AGBL1: variants seen among roughly 807,000 people sequenced by gnomAD.
AGBL1 encodes cytosolic carboxypeptidase 4.
A neutral mutation model predicts 118.9 loss-of-function variants in AGBL1; 130 were observed. The ratio of observed to expected loss-of-function variants is 1.09; its 90% CI spans 0.95 to 1.26. AGBL1 has a LOEUF of 1.26. Ranked by LOEUF, AGBL1 falls within the 50% of genes most tolerant of loss-of-function variation. The pLI is 0.00. For missense variants in AGBL1, 1,584 were observed against 1,298.1 expected (o/e 1.22, Z -3.38); for synonymous variants, 555 against 478.9 (o/e 1.16, Z -2.08).
At chr15:86,559,376 T>C (rs2083781148) in intron 21 of AGBL1, among the ~76,000 whole-genome samples, 1 of 152,190 alleles carries the variant, frequency 6.6e-6, no homozygotes, top group South Asian at 2.1e-4. Context: ...TTTTTATTTC[T>C]GTCTCCATAT....
intron 22 of AGBL1, among the ~76,000 whole-genome samples, chr15:86,808,379 A>C (rs1052630359): frequency 6.6e-6 from 1 of 152,182 alleles, no homozygotes; most frequent in Admixed American, 6.5e-5. Flanking sequence ...CTAGCATGTC[A>C]TTGAGTTGAC....
chr15:86,588,208 G>C (rs2084281250), intron 21 of AGBL1, among the ~76,000 whole-genome samples: 1 of 152,108 alleles, frequency 6.6e-6, no homozygotes, highest in Non-Finnish European at 1.5e-5. Flanking sequence ...TTTGAAATCA[G>C]GATGAGCCTG....
intron 18 of AGBL1, among the ~76,000 whole-genome samples, chr15:86,501,666 G>C (rs554014623): frequency 5.9e-5 from 9 of 151,586 alleles, no homozygotes; most frequent in African/African-American, 2.2e-4. Context: ...TTTATGTATG[G>C]ATATTCTGTT....
intron 5 of AGBL1, among the ~76,000 whole-genome samples, chr15:86,210,230 C>G (rs1028462844): frequency 5.3e-5 from 8 of 152,174 alleles, no homozygotes; most frequent in African/African-American, 1.9e-4. Flanking sequence ...TGACCTTTCT[C>G]TCTGGCTGCC....
At chr15:86,693,479 T>C (rs555178008) in intron 22 of AGBL1, among the ~76,000 whole-genome samples, 1 of 152,262 alleles carries the variant, frequency 6.6e-6, no homozygotes, top group African/African-American at 2.4e-5. Flanking sequence ...ATTTTTTGAG[T>C]TCCTTGTAGA....
At chr15:87,004,325 G>A (rs2081474139) in intron 24 of AGBL1, among the ~76,000 whole-genome samples, 1 of 152,148 alleles carries the variant, frequency 6.6e-6, no homozygotes, top group African/African-American at 2.4e-5. Context: ...GAGAGTTTAA[G>A]TCTCTTTCTC....
At chr15:86,578,807 G>A (rs1309373165) in intron 21 of AGBL1, among the ~76,000 whole-genome samples, 2 of 152,124 alleles carry the variant, frequency 1.3e-5, no homozygotes, top group African/African-American at 4.8e-5. Context: ...CTTTCACCAT[G>A]ACTGTGAAGC....
chr15:86,758,985 GA>G (rs1369194511), intron 22 of AGBL1, among the ~76,000 whole-genome samples: 59 of 122,898 alleles, frequency 4.8e-4, no homozygotes, highest in Admixed American at 1.4e-3. Context: ...AAAAAAAAAA[GA>G]AAAAAAAAAG....
chr15:86,923,469 A>G (rs2080500904), intron 23 of AGBL1, among the ~76,000 whole-genome samples: 2 of 152,166 alleles, frequency 1.3e-5, no homozygotes, highest in Admixed American at 6.5e-5. Context: ...CCCTTCAAGG[A>G]CCAATTCAAA....
chr15:86,317,924 G>A (rs1445425249), intron 17 of AGBL1, among the ~76,000 whole-genome samples: 1 of 152,190 alleles, frequency 6.6e-6, no homozygotes, highest in Non-Finnish European at 1.5e-5. Context: ...CTTGATAGTT[G>A]TATGGACACC....
intron 21 of AGBL1, chr15:86,556,251 A>G: frequency 6.2e-7 from 1 of 1,613,502 alleles, no homozygotes; most frequent in African/African-American, 1.3e-5. Flanking sequence ...GAGAGGACAA[A>G]GAATGAAAGG....
intron 19 of AGBL1, among the ~76,000 whole-genome samples, chr15:86,543,173 C>T (rs1260655594): frequency 6.7e-6 from 1 of 148,468 alleles, no homozygotes; most frequent in Non-Finnish European, 1.5e-5. Context: ...ATTATTCATG[C>T]CCCTTAAAAG....
chr15:86,364,206 T>A (rs2141927460), intron 17 of AGBL1, among the ~76,000 whole-genome samples: 2 of 152,304 alleles, frequency 1.3e-5, no homozygotes, highest in East Asian at 3.9e-4. Context: ...TTCAGGATCC[T>A]CCACAATGTA....
At chr15:86,692,333 A>G (rs1396368776) in intron 22 of AGBL1, among the ~76,000 whole-genome samples, 1 of 152,140 alleles carries the variant, frequency 6.6e-6, no homozygotes, top group Non-Finnish European at 1.5e-5. Flanking sequence ...TTACAAAGCA[A>G]GATCAGGGAA....
intron 23 of AGBL1, among the ~76,000 whole-genome samples, chr15:86,957,352 GA>G (rs1267037602): frequency 6.6e-6 from 1 of 151,742 alleles, no homozygotes; most frequent in African/African-American, 2.4e-5. Flanking sequence ...TAATGCAGAA[GA>G]AAAAATTTCA....
chr15:86,980,145 C>T (rs1217997456), intron 23 of AGBL1, among the ~76,000 whole-genome samples: 2 of 151,010 alleles, frequency 1.3e-5, no homozygotes, highest in Non-Finnish European at 3.0e-5. Flanking sequence ...AGCAGCAACT[C>T]AACTCAGTAA....
intron 24 of AGBL1, among the ~76,000 whole-genome samples, chr15:87,012,217 ACACACACACACG>A (rs1430001709): frequency 5.9e-4 from 90 of 151,414 alleles, no homozygotes; most frequent in African/African-American, 2.2e-3. Context: ...ACACACACAC[ACACACACACACG>A]CTTGCATATC....
chr15:87,025,370 C>A (rs1428231010), intron 24 of AGBL1, among the ~76,000 whole-genome samples: 1 of 151,700 alleles, frequency 6.6e-6, no homozygotes, highest in Non-Finnish European at 1.5e-5. Flanking sequence ...AGAACTCAAC[C>A]CCTTTTAAAA....
intron 19 of AGBL1, among the ~76,000 whole-genome samples, chr15:86,539,950 G>A (rs1434093225): frequency 6.6e-6 from 1 of 152,148 alleles, no homozygotes; most frequent in Non-Finnish European, 1.5e-5. Flanking sequence ...GCTTCTGGAT[G>A]GGGTAATATA....
Sources: gnomAD v4.1 joint callset for allele counts (sites outside exome capture counted in the v4.1 genomes callset) on GRCh38, gnomAD v4.1.1 for gene constraint, MANE v1.5 for transcripts, NCBI Gene and HGNC (gene_info 2026-07-23, HGNC 2026-07-21) for gene names.